GASK1B: variants seen among roughly 807,000 people sequenced by gnomAD.
GASK1B encodes the protein Golgi-associated kinase 1B.
A neutral mutation model predicts 42.8 loss-of-function variants in GASK1B; 34 were observed. The observed-to-expected ratio is 0.79, with a 90% CI of 0.60 to 1.06. The LOEUF (loss-of-function observed/expected upper bound fraction) is 1.06. Among genes scored for constraint, GASK1B ranks in the 50% least tolerant of loss-of-function variants. GASK1B has a pLI of 0.00. For missense variants in GASK1B, 686 were observed against 661.0 expected, an observed-to-expected ratio of 1.04 and a Z score of -0.42; for synonymous variants, 262 against 259.1, an observed-to-expected ratio of 1.01 and a Z score of -0.11.
At chr4:158,167,417 A>G (rs1732269413) in intron 2 of GASK1B, among the ~76,000 whole-genome samples, 1 of 152,228 alleles carries the variant, frequency 6.6e-6, no homozygotes, top group Non-Finnish European at 1.5e-5. Flanking sequence ...TATTACCTCC[A>G]CAATGAATTC....
At chr4:158,159,570 A>G (rs1034963140) in intron 2 of GASK1B, 4 of 441,788 alleles carry the variant, frequency 9.1e-6, no homozygotes, top group Admixed American at 2.5e-5. Flanking sequence ...AGGTTTGTCA[A>G]AATGATGCAG....
At chr4:158,170,293 C>G (rs1275022271) in intron 2 of GASK1B, 173 bp downstream of exon 2, 1 of 1,614,260 alleles carries the variant, frequency 6.2e-7, no homozygotes, top group Admixed American at 1.7e-5. Context: ...CATATCCTCC[C>G]AGGCTGGGAA....
intron 2 of GASK1B, among the ~76,000 whole-genome samples, chr4:158,165,275 T>C (rs1416614644): frequency 1.3e-5 from 2 of 152,254 alleles, no homozygotes; most frequent in Admixed American, 6.5e-5. Flanking sequence ...TTTTATTTTC[T>C]TGATTTTTAC....
intron 3 of GASK1B, among the ~76,000 whole-genome samples, chr4:158,134,895 C>T (rs1024854618): frequency 1.3e-5 from 2 of 152,160 alleles, no homozygotes; most frequent in African/African-American, 4.8e-5. Context: ...ATGTTCCAAC[C>T]CTATGCACAC....
At chr4:158,134,898 A>C (rs1160947471) in intron 3 of GASK1B, among the ~76,000 whole-genome samples, 1 of 152,194 alleles carries the variant, frequency 6.6e-6, no homozygotes, top group Non-Finnish European at 1.5e-5. Flanking sequence ...TTCCAACCCT[A>C]TGCACACTAC....
intron 2 of GASK1B, among the ~76,000 whole-genome samples, chr4:158,158,113 T>A (rs1731825398): frequency 6.6e-6 from 1 of 152,150 alleles, no homozygotes; most frequent in Admixed American, 6.6e-5. Flanking sequence ...CTTCATTTTG[T>A]AACGTTAGAG....
chr4:158,142,075 G>A (rs112979456), intron 3 of GASK1B, among the ~76,000 whole-genome samples: 1 of 147,770 alleles, frequency 6.8e-6, no homozygotes, highest in Non-Finnish European at 1.5e-5. Flanking sequence ...CTCCCGAGTA[G>A]CTGGGACTAC....
intron 2 of GASK1B, among the ~76,000 whole-genome samples, chr4:158,167,654 A>G (rs1169876761): frequency 1.3e-5 from 2 of 152,214 alleles, no homozygotes; most frequent in Non-Finnish European, 2.9e-5. Context: ...GAAAACAGGA[A>G]GTATCTTTGC....
At position 158,149,923 on chromosome 4, in the gene GASK1B, C is replaced by CTTTTT. The variant is rs745441423; in HGVS notation, c.1125+5683_1125+5687dup. Among the ~76,000 whole-genome samples, 6 of 67,178 alleles carry CTTTTT rather than the reference C, an allele frequency of 8.9e-5. 1 individual carries two copies. Among genetic ancestry groups the CTTTTT allele is most frequent in the Non-Finnish European group, 1.3e-4 (5 of 39,846 alleles). The allele number at this position is 67,178 out of a possible 152,430, so 44.1% of individuals were successfully genotyped here. On this transcript the variant is annotated intron_variant, in intron 3 of 4. Transcript: ENST00000585682. ...ATCTTAGATTTTGTTCTGCATGCTG[C>CTTTTT]TTTTTTTTTTTTTTTTTTTGAGACG...
At chr4:158,155,917 C>T (rs901100867) in intron 2 of GASK1B, 92 bp from the exon 3 acceptor site, 53 of 978,624 alleles carry the variant, frequency 5.4e-5, no homozygotes, top group Non-Finnish European at 8.0e-5. Flanking sequence ...CAGTCTCACG[C>T]TCACCTATCA....
At position 158,158,901 on chromosome 4, in the gene GASK1B, G is replaced by A. The variant is rs553305920; in HGVS notation, c.911-3076C>T. 4.6e-5 allele frequency among the ~76,000 whole-genome samples: 7 copies of A among 151,918 alleles called. No individual in the cohort carries two copies. The East Asian group carries it at 1.4e-3, about 29-fold the overall frequency. On this transcript the variant is annotated intron_variant, in intron 2 of 4. Transcript: ENST00000585682. ...ATTTTTAGTTCACAAAATAAAAATG[G>A]GCAGTGGGCCATTTTTGGCCTACAG...
chr4:158,131,235 G>C (rs951774377), intron 3 of GASK1B, among the ~76,000 whole-genome samples: 11 of 152,166 alleles, frequency 7.2e-5, no homozygotes, highest in African/African-American at 2.7e-4. Flanking sequence ...TAGATCCAAA[G>C]TCAGATTATC....
At chr4:158,144,747 G>A (rs997543181) in intron 3 of GASK1B, among the ~76,000 whole-genome samples, 1 of 152,126 alleles carries the variant, frequency 6.6e-6, no homozygotes, top group African/African-American at 2.4e-5. Context: ...GACTTTCTTT[G>A]CTACTTGAAG....
rs1274785419 is a variant in GASK1B at position 158,130,746 on chromosome 4, C to A, written c.1352+40G>T. ...TCTCAGAACCTTGCTACTTATCTAACATAAATGTGATGTCCTGCAGATGTT... is the reference window on the plus strand; with the variant it reads ...TCTCAGAACCTTGCTACTTATCTAAAATAAATGTGATGTCCTGCAGATGTT... On this transcript the variant is annotated intron_variant, in intron 4 of 4. Transcript: ENST00000585682. The A allele has an allele frequency of 2.1e-6, 3 of 1,457,238 alleles. No individual in the cohort carries two copies. The Admixed American group carries it at 5.1e-5, about 25-fold the overall frequency. The allele number at this position is 1,457,238 out of a possible 1,614,324, so 90.3% of individuals were successfully genotyped here.
At chr4:158,149,940 T>TTTTTTTTTTTTG (rs1731488266) in intron 3 of GASK1B, among the ~76,000 whole-genome samples, 1 of 138,516 alleles carries the variant, frequency 7.2e-6, no homozygotes, top group Non-Finnish European at 1.5e-5. Flanking sequence ...TTTTTTTTTT[T>TTTTTTTTTTTTG]TTGAGACGGA....
intron 3 of GASK1B, among the ~76,000 whole-genome samples, chr4:158,149,964 G>A (rs577370335): frequency 4.0e-5 from 4 of 99,388 alleles, no homozygotes; most frequent in Non-Finnish European, 5.3e-5. Flanking sequence ...TCACTCTGTC[G>A]CCCAGTTTGG....
At chr4:158,141,124 C>A (rs56167625) in intron 3 of GASK1B, among the ~76,000 whole-genome samples, 3,278 of 152,140 alleles carry the variant, frequency 0.022, 103 homozygotes, top group African/African-American at 0.073. Flanking sequence ...AGAAAAACAA[C>A]GCCAGCAATC....
At position 158,171,265 on chromosome 4, in the gene GASK1B, G is replaced by A; in HGVS notation, c.111C>T (p.Asn37=). The change falls in exon 2 of 5, where the codon AAC becomes AAT. Residue 37 remains asparagine, a synonymous_variant. Coordinates refer to ENST00000585682, the MANE Select transcript of GASK1B (RefSeq NM_001128424.2). The stretch of plus-strand genomic sequence containing the variant: ...TGGCACACGCAGTGCCCAGCAGAAG[G>A]TTTCTCCGGGTCCTTGGACGCCGGC... ...WSSRRPRTRR[N]LLLGTACAIY... 1 of 1,613,988 alleles carries A rather than the reference G, an allele frequency of 6.2e-7. No homozygotes were observed. Among genetic ancestry groups the A allele is most frequent in the African/African-American group, 1.3e-5 (1 of 75,066 alleles).
At position 158,130,969 on chromosome 4, in the gene GASK1B, C is replaced by G. The variant is rs75045140; in HGVS notation, c.1169G>C (p.Arg390Pro). Residue 390 changes from arginine to proline, a missense_variant, in exon 4 of 5, where the codon CGC (arginine) becomes CCC (proline). By Grantham distance (103) the Arg-to-Pro change is moderately radical. Coordinates refer to ENST00000585682, the MANE Select transcript of GASK1B (RefSeq NM_001128424.2). ...ATTCTGTACACAGGCATCTTCCTTG[C>G]GAGGTCTGAATCCACAGCAATTTGT... ...LDTNCCGFRP[R>P]KEDACVQNGL... 1 of 1,613,964 alleles carries G rather than the reference C, an allele frequency of 6.2e-7. No individual in the cohort carries two copies. The highest frequency in any genetic ancestry group is 8.5e-7 in the Non-Finnish European group (1 of 1,179,932).
Sources: gnomAD v4.1 joint callset for allele counts (sites outside exome capture counted in the v4.1 genomes callset) on GRCh38, gnomAD v4.1.1 for gene constraint, MANE v1.5 for transcripts, NCBI Gene and HGNC (gene_info 2026-07-23, HGNC 2026-07-21) for gene names.